Variants in TMCC1 observed in about 807,000 individuals in gnomAD.
The protein encoded by TMCC1 is transmembrane and coiled-coil domains protein 1.
In TMCC1, 15 loss-of-function variants were observed where a neutral mutation model predicts 52.4. That is an observed-to-expected ratio of 0.29 (90% CI 0.19 to 0.44). The LOEUF is 0.44. Ranked by LOEUF, TMCC1 falls within the 20% of genes least tolerant of loss-of-function variation. TMCC1 has a pLI of 1.00. For synonymous variants in TMCC1, 279 were observed against 301.9 expected (o/e 0.92, Z 0.79); for missense variants, 503 against 806.0 (o/e 0.62, Z 4.55).
chr3:129,701,657 A>G (rs751428639), intron 4 of TMCC1, among the ~76,000 whole-genome samples: 1 of 152,220 alleles, frequency 6.6e-6, no homozygotes, highest in South Asian at 2.1e-4. Context: ...AAATTTCAGG[A>G]AAGAATACAG....
chr3:129,885,768 G>C (rs1234841206), intron 1 of TMCC1, among the ~76,000 whole-genome samples: 2 of 151,706 alleles, frequency 1.3e-5, no homozygotes, highest in East Asian at 1.9e-4. Flanking sequence ...TTTTGAGACA[G>C]AGTCTCACTC....
intron 5 of TMCC1, among the ~76,000 whole-genome samples, chr3:129,657,293 A>G (rs2086725630): frequency 6.6e-6 from 1 of 152,216 alleles, no homozygotes; most frequent in South Asian, 2.1e-4. Flanking sequence ...GATATTAAAC[A>G]TGGCTCATAC....
At chr3:129,859,386 CTT>C (rs1200660251) in intron 2 of TMCC1, among the ~76,000 whole-genome samples, 1 of 152,106 alleles carries the variant, frequency 6.6e-6, no homozygotes, top group Non-Finnish European at 1.5e-5. Context: ...TATCCCAGCA[CTT>C]TGTTTTGGGA....
intron 4 of TMCC1, among the ~76,000 whole-genome samples, chr3:129,778,577 CTG>C (rs1291790850): frequency 6.6e-6 from 1 of 151,262 alleles, no homozygotes; most frequent in Non-Finnish European, 1.5e-5. Context: ...TATGGTCTGG[CTG>C]TGTGTCCCCA....
chr3:129,686,829 C>T (rs79810820), intron 4 of TMCC1, among the ~76,000 whole-genome samples: 13,198 of 152,072 alleles, frequency 0.087, 804 homozygotes, highest in Middle Eastern at 0.13. Context: ...GAGATTGCTA[C>T]TTTAATCAGG....
intron 4 of TMCC1, among the ~76,000 whole-genome samples, chr3:129,687,840 T>G (rs1467700813): frequency 6.6e-6 from 1 of 152,238 alleles, no homozygotes; most frequent in Admixed American, 6.5e-5. Flanking sequence ...GAAGGCTTTA[T>G]TTTTCCTTCT....
chr3:129,736,843 C>T (rs1174224099), intron 4 of TMCC1, among the ~76,000 whole-genome samples: 4 of 151,920 alleles, frequency 2.6e-5, no homozygotes, highest in African/African-American at 9.7e-5. Context: ...TATGAGTACC[C>T]TTTCTCTAAC....
At chr3:129,838,482 A>G (rs762405457) in intron 2 of TMCC1, among the ~76,000 whole-genome samples, 1 of 152,072 alleles carries the variant, frequency 6.6e-6, no homozygotes, top group Non-Finnish European at 1.5e-5. Context: ...GGGGCTGGGC[A>G]CGGTGGCTCA....
chr3:129,817,757 C>T (rs1002553647), intron 4 of TMCC1, among the ~76,000 whole-genome samples: 1 of 152,076 alleles, frequency 6.6e-6, no homozygotes, highest in Non-Finnish European at 1.5e-5. Context: ...AAGTGATTCT[C>T]ATGCCTCATC....
At chr3:129,726,604 C>T (rs1450136255) in intron 4 of TMCC1, among the ~76,000 whole-genome samples, 1 of 151,826 alleles carries the variant, frequency 6.6e-6, no homozygotes, top group Non-Finnish European at 1.5e-5. Context: ...GAAGGCCGGG[C>T]ATGATGGCTC....
At chr3:129,681,359 G>C (rs1486017961) in intron 4 of TMCC1, among the ~76,000 whole-genome samples, 1 of 151,984 alleles carries the variant, frequency 6.6e-6, no homozygotes, top group Non-Finnish European at 1.5e-5. Context: ...GGAAAGTATA[G>C]GAATACTCAC....
intron 4 of TMCC1, among the ~76,000 whole-genome samples, chr3:129,707,687 A>T (rs1051836817): frequency 7.9e-5 from 12 of 152,108 alleles, no homozygotes; most frequent in Non-Finnish European, 1.6e-4. Flanking sequence ...TAATCCCAGC[A>T]CTTTGGGAGG....
At chr3:129,789,115 C>T (rs1016861755) in intron 4 of TMCC1, among the ~76,000 whole-genome samples, 2 of 152,046 alleles carry the variant, frequency 1.3e-5, no homozygotes, top group African/African-American at 4.8e-5. Flanking sequence ...TATTTGAAAA[C>T]GTGCATCCAG....
chr3:129,793,273 A>C (rs2056598151), intron 4 of TMCC1, among the ~76,000 whole-genome samples: 1 of 152,126 alleles, frequency 6.6e-6, no homozygotes, highest in African/African-American at 2.4e-5. Flanking sequence ...CCCAAGAAAA[A>C]CTATGCATAT....
chr3:129,698,141 T>C (rs1392864027), intron 4 of TMCC1, among the ~76,000 whole-genome samples: 1 of 152,152 alleles, frequency 6.6e-6, no homozygotes, highest in Non-Finnish European at 1.5e-5. Context: ...TATGAAGAAA[T>C]ACCCAAGACT....
intron 4 of TMCC1, among the ~76,000 whole-genome samples, chr3:129,754,638 G>A (rs2052829012): frequency 6.6e-6 from 1 of 152,182 alleles, no homozygotes. Context: ...AGCAAATGGT[G>A]ATGGAAAATT....
chr3:129,717,881 G>A (rs2049229623), intron 4 of TMCC1, among the ~76,000 whole-genome samples: 1 of 152,102 alleles, frequency 6.6e-6, no homozygotes, highest in African/African-American at 2.4e-5. Flanking sequence ...AAAAACCTAA[G>A]TCAAATCACA....
chr3:129,813,918 TC>T lies in TMCC1; in HGVS notation c.576+13884del, dbSNP rs1435389123. Among the ~76,000 whole-genome samples, 3 of 152,236 alleles carry T rather than the reference TC, an allele frequency of 2.0e-5. No homozygotes were observed. The East Asian group carries it at 5.8e-4, about 29-fold the overall frequency. On this transcript the variant is annotated intron_variant, in intron 4 of 6. Transcript: ENST00000393238. ...ACAATTTGAAAATGTATTTACTAAG[TC>T]ATCTGTGATAATAAACACTTTAATT...
At chr3:129,739,191 A>G (rs2051243651) in intron 4 of TMCC1, among the ~76,000 whole-genome samples, 1 of 152,150 alleles carries the variant, frequency 6.6e-6, no homozygotes, top group Non-Finnish European at 1.5e-5. Flanking sequence ...TTTTTGAGAC[A>G]GAATCTCACT....
Sources: gnomAD v4.1 joint callset for allele counts (sites outside exome capture counted in the v4.1 genomes callset) on GRCh38, gnomAD v4.1.1 for gene constraint, MANE v1.5 for transcripts, NCBI Gene and HGNC (gene_info 2026-07-23, HGNC 2026-07-21) for gene names.